KATNAL2: variants seen among roughly 807,000 people sequenced by gnomAD.
The protein encoded by KATNAL2 is katanin catalytic subunit A1 like 2, also known as katanin p60 ATPase-containing subunit A-like 2.
KATNAL2 carries 52 observed loss-of-function variants against 76.3 expected under a neutral mutation model. The ratio of observed to expected loss-of-function variants is 0.68; its 90% CI spans 0.55 to 0.86. The LOEUF is 0.86. KATNAL2 is among the 40% of genes least tolerant of loss of function. The probability of loss-of-function intolerance (pLI) is 0.00; values close to 1 mark genes in which losing one functional copy is unlikely to be tolerated. For synonymous variants in KATNAL2, 243 were observed against 244.2 expected, an observed-to-expected ratio of 1.00 and a Z score of 0.05; for missense variants, 660 against 668.9, an observed-to-expected ratio of 0.99 and a Z score of 0.15.
Position 46,944,645 on chromosome 18 carries a change from G to C in KATNAL2, c.-509-1412G>C, listed in dbSNP as rs545130861. Among the ~76,000 whole-genome samples the C allele has an allele frequency of 5.6e-4, 85 of 152,234 alleles. No individual in the cohort carries two copies. The Middle Eastern group carries it at 0.01, about 18-fold the overall frequency. ...AGCTACTCAGGAGGCTGAGGCAGGA[G>C]AATCGCTTTAACTAGGAAGGCAGAG... is the stretch of plus-strand genomic sequence containing the variant. On this transcript the variant is annotated intron_variant, in intron 1 of 17. Transcript: ENST00000683218.
At position 47,092,372 on chromosome 18, in the gene KATNAL2, G is replaced by A. The variant is rs575221093; in HGVS notation, c.1212-6871G>A. On this transcript the variant is annotated intron_variant, in intron 15 of 17. Transcript: ENST00000683218. ...AAAATAGCCCAGCATGGTGGCACAC[G>A]CCTGTAATCCCAGCTACTCAGGAGG... 3.1e-3 allele frequency among the ~76,000 whole-genome samples: 475 copies of A among 152,160 alleles called. 3 individuals carry two copies. The highest frequency in any genetic ancestry group is 0.01 in the African/African-American group (427 of 41,498).
intron 1 of KATNAL2, among the ~76,000 whole-genome samples, chr18:46,925,359 G>T (rs1363045889): frequency 1.3e-5 from 2 of 152,106 alleles, no homozygotes; most frequent in Admixed American, 1.3e-4. Context: ...TTTGTCTTTG[G>T]TTCTGTTTAT....
chr18:46,965,581 GCCC>G (rs2510018), intron 3 of KATNAL2, among the ~76,000 whole-genome samples: 11 of 73,902 alleles, frequency 1.5e-4, no homozygotes, highest in African/African-American at 4.4e-4. Context: ...TAGCATCCCC[GCCC>G]CCCCCCCCCC....
intron 15 of KATNAL2, among the ~76,000 whole-genome samples, chr18:47,096,322 T>C (rs1024017389): frequency 1.3e-5 from 2 of 152,188 alleles, no homozygotes; most frequent in South Asian, 4.1e-4. Context: ...GACGTTTTCA[T>C]TGTTACTCTT....
chr18:46,960,157 CT>C (rs1337361755), intron 3 of KATNAL2, among the ~76,000 whole-genome samples: 2 of 152,166 alleles, frequency 1.3e-5, no homozygotes, highest in Non-Finnish European at 2.9e-5. Context: ...AAAAAAGCGG[CT>C]GGGCACTGTG....
At chr18:47,096,908 C>T (rs2063266665) in intron 15 of KATNAL2, among the ~76,000 whole-genome samples, 1 of 152,034 alleles carries the variant, frequency 6.6e-6, no homozygotes, top group South Asian at 2.1e-4. Context: ...GAGGCTGAGG[C>T]GGGTGGACTG....
At chr18:47,033,027 G>A in intron 3 of KATNAL2, 1 of 1,614,158 alleles carries the variant, frequency 6.2e-7, no homozygotes, top group South Asian at 1.1e-5. Flanking sequence ...ATCTTCTCTT[G>A]TAGTCTCGAA....
intron 10 of KATNAL2, 133 bp from the exon 11 acceptor site, chr18:47,066,888 T>TATATATATATATATATATATATACACAC (rs11281082): frequency 1.3e-5 from 1 of 75,840 alleles, no homozygotes; most frequent in African/African-American, 4.4e-5. Context: ...TATATATATA[T>TATATATATATATATATATATATACACAC]ATATAATATG....
At position 47,034,519 on chromosome 18, in the gene KATNAL2, A is replaced by G. The variant is rs370832383; in HGVS notation, c.52-11938A>G. The G allele has an allele frequency of 1.8e-5, 29 of 1,614,002 alleles. No homozygotes were observed. Among genetic ancestry groups the G allele is most frequent in the South Asian group, 1.1e-5 (1 of 91,090 alleles). ...GCAGGCCCCGCATGATTTCTCCCTG[A>G]TCAAAGTAGGGGAGTGCCAATCTCC... On this transcript the variant is annotated intron_variant, in intron 3 of 17. Coordinates refer to ENST00000683218, the MANE Select transcript of KATNAL2 (RefSeq NM_001387690.1).
At position 47,075,768 on chromosome 18, in the gene KATNAL2, G is replaced by A. The variant is rs533187396; in HGVS notation, c.1100+400G>A. Among the ~76,000 whole-genome samples, 131 of 152,338 alleles carry A rather than the reference G, an allele frequency of 8.6e-4. 1 individual carries two copies. Among genetic ancestry groups the A allele is most frequent in the African/African-American group, 3.1e-3 (128 of 41,572 alleles). On this transcript the variant is annotated intron_variant, in intron 14 of 17. Transcript: ENST00000683218. ...CCACTCAGCCACTGTGCAGGGCCAC[G>A]TCTGTACTTCACTCCTGAGAGGCAG...
chr18:47,090,014 C>A lies in KATNAL2; in HGVS notation c.1212-9229C>A, dbSNP rs146343551. On this transcript the variant is annotated intron_variant, in intron 15 of 17. Transcript: ENST00000683218. ...TGTTGCCAAGGCTAGTCTCAAACTC[C>A]TGGACTCAAGTGATCCACCTGCCTC... Among the ~76,000 whole-genome samples the A allele has an allele frequency of 2.8e-3, 431 of 152,346 alleles. 3 individuals carry two copies. The highest frequency in any genetic ancestry group is 0.01 in the African/African-American group (419 of 41,586).
intron 15 of KATNAL2, among the ~76,000 whole-genome samples, chr18:47,083,612 C>T (rs1008285599): frequency 6.6e-6 from 1 of 152,180 alleles, no homozygotes; most frequent in African/African-American, 2.4e-5. Context: ...TCTATAGCAT[C>T]ACAGAGAGGA....
chr18:47,093,814 G>A (rs1174796533), intron 15 of KATNAL2, among the ~76,000 whole-genome samples: 1 of 152,144 alleles, frequency 6.6e-6, no homozygotes, highest in Non-Finnish European at 1.5e-5. Context: ...CTGGCCTTGT[G>A]TGTCTTTCTT....
At chr18:47,034,886 C>G in intron 3 of KATNAL2, 5 of 1,612,112 alleles carry the variant, frequency 3.1e-6, no homozygotes, top group Non-Finnish European at 4.2e-6. Context: ...CGTCTGTGCT[C>G]AGGGCTGTGA....
At chr18:47,081,892 G>C (rs2062540864) in intron 15 of KATNAL2, among the ~76,000 whole-genome samples, 1 of 152,150 alleles carries the variant, frequency 6.6e-6, no homozygotes, top group Admixed American at 6.5e-5. Context: ...TGATTAGACA[G>C]AGCTAGGAAA....
chr18:47,032,831 G>A (rs2060538271), intron 3 of KATNAL2: 2 of 1,281,192 alleles, frequency 1.6e-6, no homozygotes, highest in African/African-American at 3.0e-5. Flanking sequence ...TAGTGGCTGG[G>A]TGTGGGAGGC....
chr18:47,049,574 T>C (rs1328399453), intron 4 of KATNAL2, among the ~76,000 whole-genome samples: 1 of 152,180 alleles, frequency 6.6e-6, no homozygotes, highest in Non-Finnish European at 1.5e-5. Context: ...TTGGCAGATA[T>C]TGGGTTAAAT....
intron 15 of KATNAL2, among the ~76,000 whole-genome samples, chr18:47,088,530 AT>A (rs1271239851): frequency 6.6e-6 from 1 of 152,120 alleles, no homozygotes; most frequent in Non-Finnish European, 1.5e-5. Context: ...GCCAGGTCTC[AT>A]TTATAATGGT....
chr18:46,937,846 G>A (rs563493553), intron 1 of KATNAL2, among the ~76,000 whole-genome samples: 1 of 152,314 alleles, frequency 6.6e-6, no homozygotes, highest in South Asian at 2.1e-4. Flanking sequence ...ACTTGCACCT[G>A]TAATCCTAGC....
Sources: gnomAD v4.1 joint callset for allele counts (sites outside exome capture counted in the v4.1 genomes callset) on GRCh38, gnomAD v4.1.1 for gene constraint, MANE v1.5 for transcripts, NCBI Gene and HGNC (gene_info 2026-07-23, HGNC 2026-07-21) for gene names.